MALRD1: variants seen among roughly 807,000 people sequenced by gnomAD.
MALRD1 encodes MAM and LDL-receptor class A domain-containing protein 1.
Under a neutral mutation model 242.1 loss-of-function variants are expected in MALRD1, and 247 were observed. The observed-to-expected ratio is 1.02, with a 90% CI of 0.92 to 1.13. The LOEUF is 1.13. Among genes scored for constraint, MALRD1 ranks in the 50% most tolerant of loss-of-function variants. The pLI, the probability that MALRD1 is intolerant of heterozygous loss-of-function variation, is 0.00. For synonymous variants in MALRD1, 995 were observed against 866.6 expected, an observed-to-expected ratio of 1.15 and a Z score of -2.60; for missense variants, 2,989 against 2,533.1, an observed-to-expected ratio of 1.18 and a Z score of -3.86.
At chr10:19,063,800 G>C (rs376628184) in intron 1 of MALRD1, among the ~76,000 whole-genome samples, 5 of 151,012 alleles carry the variant, frequency 3.3e-5, no homozygotes, top group Non-Finnish European at 4.4e-5. Flanking sequence ...TTGTGGGGTG[G>C]GGGGAGGCGG....
At chr10:19,651,044 C>T (rs75536142) in intron 36 of MALRD1, among the ~76,000 whole-genome samples, 139 of 152,310 alleles carry the variant, frequency 9.1e-4, no homozygotes, top group African/African-American at 3.3e-3. Flanking sequence ...AAGATGGTCT[C>T]TGTTCTTGAC....
chr10:19,510,264 G>A (rs943575495), intron 31 of MALRD1, among the ~76,000 whole-genome samples: 2 of 152,164 alleles, frequency 1.3e-5, no homozygotes, highest in African/African-American at 4.8e-5. Context: ...CAAGGGAGGA[G>A]CAGGAGACAG....
chr10:19,462,802 G>A (rs1252632381), intron 29 of MALRD1, among the ~76,000 whole-genome samples: 3 of 152,178 alleles, frequency 2.0e-5, no homozygotes, highest in African/African-American at 4.8e-5. Flanking sequence ...GAGTGGAGAC[G>A]GAGAGGGGGC....
intron 31 of MALRD1, among the ~76,000 whole-genome samples, chr10:19,506,157 G>T (rs1384615686): frequency 6.6e-6 from 1 of 152,150 alleles, no homozygotes; most frequent in African/African-American, 2.4e-5. Context: ...CCCAATCACA[G>T]AAGTCTGTTG....
At chr10:19,710,751 A>C (rs1479905406) in intron 38 of MALRD1, 1 of 152,218 alleles carries the variant, frequency 6.6e-6, no homozygotes, top group East Asian at 1.9e-4. Context: ...TGTTTGGCAG[A>C]GATAGTCCCT....
At chr10:19,631,725 A>G (rs1398697288) in intron 36 of MALRD1, among the ~76,000 whole-genome samples, 2 of 152,106 alleles carry the variant, frequency 1.3e-5, no homozygotes, top group Non-Finnish European at 2.9e-5. Context: ...GTTTTGATTT[A>G]CATTTCTCTA....
chr10:19,680,041 G>T (rs1276178449), intron 36 of MALRD1, among the ~76,000 whole-genome samples: 1 of 152,144 alleles, frequency 6.6e-6, no homozygotes, highest in Non-Finnish European at 1.5e-5. Flanking sequence ...ATTTGCTGAA[G>T]AGTGTTTTAC....
chr10:19,517,800 C>T (rs1331265187), intron 31 of MALRD1, among the ~76,000 whole-genome samples: 1 of 152,170 alleles, frequency 6.6e-6, no homozygotes, highest in Non-Finnish European at 1.5e-5. Flanking sequence ...AGAACTCACC[C>T]ACAGCCTTCA....
rs116559228 is a variant in MALRD1, at chr10:19,528,842, C to T, written c.5321-2352C>T. On this transcript the variant is annotated intron_variant, in intron 31 of 39. Coordinates refer to ENST00000454679, the MANE Select transcript of MALRD1 (RefSeq NM_001142308.3). ...TAGATTCATTAGAGAACTGAAGTCACAGTCAAACCACTACCCCCAACATTG... is the reference window on the plus strand; with the variant it reads ...TAGATTCATTAGAGAACTGAAGTCATAGTCAAACCACTACCCCCAACATTG... Among the ~76,000 whole-genome samples the T allele has an allele frequency of 6.8e-3, 1,040 of 152,270 alleles. 14 individuals carry two copies. The highest frequency in any genetic ancestry group is 0.023 in the African/African-American group (939 of 41,566).
intron 38 of MALRD1, chr10:19,722,181 C>T (rs1834790439): frequency 6.6e-6 from 1 of 152,166 alleles, no homozygotes; most frequent in African/African-American, 2.4e-5. Flanking sequence ...CCTTATCCCT[C>T]AGAGAACTTA....
intron 2 of MALRD1, among the ~76,000 whole-genome samples, chr10:19,073,372 G>A (rs1476907549): frequency 2.6e-5 from 4 of 152,012 alleles, no homozygotes; most frequent in Admixed American, 2.6e-4. Flanking sequence ...CAGTGTGTAA[G>A]ACATCATGAT....
intron 2 of MALRD1, among the ~76,000 whole-genome samples, 185 bp from the exon 3 acceptor site, chr10:19,087,655 A>AT (rs1835716727): frequency 6.6e-6 from 1 of 152,104 alleles, no homozygotes; most frequent in South Asian, 2.1e-4. Context: ...ATCATGGAGA[A>AT]TGGGGTATCC....
At position 19,567,654 on chromosome 10, in the gene MALRD1, C is replaced by T; in HGVS notation, c.5631C>T (p.Ile1877=). The part of the protein sequence containing the change: ...FEADLDGNED[I]FIALDDISFT... ...CTGATTTGGATGGAAATGAGGACAT[C>T]TTTATTGCTCTTGATGACATCTCTT... The change falls in exon 33 of 40, where the codon ATC becomes ATT. Residue 1877 remains isoleucine (I), a synonymous_variant. Transcript: ENST00000454679. 6.4e-7 allele frequency: 1 copy of T among 1,550,624 alleles called. No individual in the cohort carries two copies. The highest frequency in any genetic ancestry group is 8.7e-7 in the Non-Finnish European group (1 of 1,146,916).
At chr10:19,454,248 G>C (rs1296693322) in intron 29 of MALRD1, among the ~76,000 whole-genome samples, 1 of 151,410 alleles carries the variant, frequency 6.6e-6, no homozygotes, top group African/African-American at 2.4e-5. Flanking sequence ...AAACTAATAG[G>C]ACAAACCACA....
intron 16 of MALRD1, among the ~76,000 whole-genome samples, 155 bp from the exon 17 acceptor site, chr10:19,204,743 C>T (rs1447273528): frequency 6.6e-6 from 1 of 152,142 alleles, no homozygotes; most frequent in East Asian, 1.9e-4. Flanking sequence ...AGTAGATAAG[C>T]TCTTGCAAAT....
intron 24 of MALRD1, among the ~76,000 whole-genome samples, chr10:19,340,650 C>T (rs189188366): frequency 8.0e-4 from 122 of 152,174 alleles, no homozygotes; most frequent in African/African-American, 2.8e-3. Flanking sequence ...GGGGAAAGAA[C>T]ATTTAATAAA....
chr10:19,194,873 C>G (rs773734399), intron 14 of MALRD1, among the ~76,000 whole-genome samples: 1 of 152,178 alleles, frequency 6.6e-6, no homozygotes, highest in African/African-American at 2.4e-5. Flanking sequence ...ATTCTTAGCC[C>G]TCATCCTGAT....
At chr10:19,258,120 C>T (rs1198967826) in intron 19 of MALRD1, among the ~76,000 whole-genome samples, 1 of 152,122 alleles carries the variant, frequency 6.6e-6, no homozygotes, top group Admixed American at 6.6e-5. Context: ...TTATTAACCT[C>T]TCGGATTACT....
Position 19,124,578 on chromosome 10 carries a change from C to T in MALRD1, c.851C>T (p.Ser284Phe). 8.1e-7 allele frequency: 1 copy of T among 1,233,850 alleles called. No individual in the cohort carries two copies. The highest frequency in any genetic ancestry group is 1.0e-6 in the Non-Finnish European group (1 of 988,112). 76.4% of individuals were successfully genotyped at this position (1,233,850 alleles called of 1,614,324 possible). A position where few individuals can be genotyped will look rare whatever the true frequency, so the allele number is the denominator to read the frequency against. ...FDMCEWTSEA[S>F]AGQISWMRTK... ...ATGTGTGAGTGGACGTCAGAAGCAT[C>T]TGCTGGCCAAATTTCCTGGATGCGC... The change falls in exon 7 of 40, where the codon TCT (serine) becomes TTT (phenylalanine). Residue 284 changes from serine (S) to phenylalanine (F), a missense_variant. Physicochemically the swap from Ser to Phe is radical, Grantham distance 155 (BLOSUM62 -2). Coordinates refer to ENST00000454679, the MANE Select transcript of MALRD1 (RefSeq NM_001142308.3).
Sources: allele counts gnomAD v4.1 joint callset (sites outside exome capture counted in the v4.1 genomes callset), GRCh38; gene constraint gnomAD v4.1.1; transcripts MANE v1.5; gene names NCBI Gene and HGNC (gene_info 2026-07-23, HGNC 2026-07-21).